The following LCP2 variants were observed in gnomAD, a reference collection of about 807,000 sequenced individuals.
LCP2 encodes lymphocyte cytosolic protein 2, also known as 76 kDa tyrosine phosphoprotein.
A neutral mutation model predicts 74.5 loss-of-function variants in LCP2; 29 were observed. That is an observed-to-expected ratio of 0.39 (90% CI 0.29 to 0.53). LCP2 has a LOEUF of 0.53. LCP2 is among the 20% of genes least tolerant of loss of function. LCP2 has a pLI of 0.72. For synonymous variants in LCP2, 228 were observed against 229.5 expected (o/e 0.99, Z 0.06); for missense variants, 604 against 634.6 (o/e 0.95, Z 0.52).
In LCP2 at chr5:170,261,089, C is replaced by G; in HGVS notation, c.957+18G>C. ...TTTCCCTGTATCAAGCACTTACAAA[C>G]TGACATTTTGTACTTACATTCTCTC... On this transcript the variant is annotated intron_variant, in intron 14 of 20. Coordinates refer to ENST00000046794, the MANE Select transcript of LCP2 (RefSeq NM_005565.5). 3 of 1,578,932 alleles carry G rather than the reference C, an allele frequency of 1.9e-6. No individual in the cohort carries two copies. Among genetic ancestry groups the G allele is most frequent in the Non-Finnish European group, 2.6e-6 (3 of 1,148,378 alleles).
intron 6 of LCP2, among the ~76,000 whole-genome samples, chr5:170,271,355 C>T (rs1481163878): frequency 2.0e-5 from 3 of 152,092 alleles, no homozygotes; most frequent in Middle Eastern, 3.2e-3. Flanking sequence ...AATGTCCTCT[C>T]ATTATAACCT....
intron 2 of LCP2, among the ~76,000 whole-genome samples, chr5:170,289,986 A>G (rs1227478520): frequency 6.6e-6 from 1 of 152,118 alleles, no homozygotes; most frequent in Non-Finnish European, 1.5e-5. Flanking sequence ...GGAGGTGGAC[A>G]TGAGCCTGGC....
chr5:170,271,074 G>A (rs774393428), intron 6 of LCP2, among the ~76,000 whole-genome samples, 157 bp from the exon 7 acceptor site: 3 of 152,140 alleles, frequency 2.0e-5, no homozygotes, highest in Non-Finnish European at 2.9e-5. Flanking sequence ...AGGAATCTGA[G>A]GTCAGGGAGC....
At chr5:170,275,156 C>T (rs1467386851) in intron 5 of LCP2, among the ~76,000 whole-genome samples, 164 bp downstream of exon 5, 3 of 152,062 alleles carry the variant, frequency 2.0e-5, no homozygotes. Context: ...AGATCTCCTC[C>T]CCTCCATCTA....
chr5:170,246,274 T>A lies in LCP2; in HGVS notation c.*2423A>T. 1.7e-6 allele frequency: 1 copy of A among 592,004 alleles called. No individual in the cohort carries two copies. Among genetic ancestry groups the A allele is most frequent in the Non-Finnish European group, 2.8e-6 (1 of 360,680 alleles). The allele number at this position is 592,004 out of a possible 1,614,324, so 36.7% of individuals were successfully genotyped here. ...CTGTTTAATGTTTTGAAGAATGGCT[T>A]AACTTACGTCACTAATGGCAAGTGT... is the stretch of plus-strand genomic sequence containing the variant. On this transcript the variant is annotated 3_prime_UTR_variant, in exon 21 of 21. Coordinates refer to ENST00000046794, the MANE Select transcript of LCP2 (RefSeq NM_005565.5).
chr5:170,253,296 C>A (rs1411548435), intron 17 of LCP2, 83 bp from the exon 18 acceptor site: 3 of 911,870 alleles, frequency 3.3e-6, no homozygotes, highest in East Asian at 5.4e-5. Flanking sequence ...ATTCCCCCCA[C>A]TCCCCCAAAA....
chr5:170,252,602 C>T, intron 18 of LCP2, 91 bp from the exon 19 acceptor site: 1 of 647,726 alleles, frequency 1.5e-6, no homozygotes, highest in Non-Finnish European at 2.7e-6. Context: ...TTCCATAAAT[C>T]AACACCTCAA....
chr5:170,265,608 T>A (rs563621586), intron 10 of LCP2, among the ~76,000 whole-genome samples: 58 of 152,222 alleles, frequency 3.8e-4, no homozygotes, highest in Non-Finnish European at 7.1e-4. Flanking sequence ...CATGTAATTA[T>A]ACAGCTCTCT....
intron 2 of LCP2, among the ~76,000 whole-genome samples, chr5:170,291,225 G>GT: frequency 6.7e-6 from 1 of 150,372 alleles, no homozygotes; most frequent in Non-Finnish European, 1.5e-5. Context: ...AAGGAAGGAA[G>GT]AAAGGAAGGA....
At chr5:170,253,050 T>C (rs999927860) in intron 18 of LCP2, 69 bp downstream of exon 18, 36 of 921,284 alleles carry the variant, frequency 3.9e-5, no homozygotes, top group Non-Finnish European at 5.5e-5. Context: ...GAACATTCAA[T>C]GGGAGTTTCT....
intron 19 of LCP2, chr5:170,252,168 CTCTT>C (rs970200431): frequency 7.4e-5 from 21 of 285,496 alleles, no homozygotes; most frequent in African/African-American, 4.5e-4. Context: ...ACAAGACAGA[CTCTT>C]TCATTAATAA....
chr5:170,250,950 G>T, intron 19 of LCP2, 65 bp from the exon 20 acceptor site: 1 of 1,339,884 alleles, frequency 7.5e-7, no homozygotes, highest in Non-Finnish European at 1.1e-6. Flanking sequence ...GCTTGTAAGA[G>T]TAGTAGACAA....
At chr5:170,259,012 T>G in intron 14 of LCP2, 134 bp from the exon 15 acceptor site, 1 of 630,232 alleles carries the variant, frequency 1.6e-6, no homozygotes, top group Non-Finnish European at 2.8e-6. Flanking sequence ...ATCTTCATAA[T>G]AAATATACTG....
intron 6 of LCP2, among the ~76,000 whole-genome samples, chr5:170,272,083 G>C (rs1264851225): frequency 6.6e-6 from 1 of 152,108 alleles, no homozygotes; most frequent in Non-Finnish European, 1.5e-5. Flanking sequence ...TGCTGCTTCA[G>C]ATCAAGAGCC....
At position 170,288,015 on chromosome 5, in the gene LCP2, T is replaced by A. The variant is rs1209030698; in HGVS notation, c.143A>T (p.Asn48Ile). 1.2e-6 allele frequency: 2 copies of A among 1,613,892 alleles called. No individual in the cohort carries two copies. Among genetic ancestry groups the A allele is most frequent in the East Asian group, 2.2e-5 (1 of 44,886 alleles). ...KYHIDGARFLNLTENDIQKFP... is the reference protein window; with the variant it reads ...KYHIDGARFLILTENDIQKFP... ...CTTCTGGATGTCATTTTCTGTCAGG[T>A]TCTGAAATGAAGACACATATGGCAG... The change falls in exon 3 of 21, where the codon AAC (asparagine) becomes ATC (isoleucine). Residue 48 changes from asparagine to isoleucine, a missense_variant and splice_region_variant. By Grantham distance (149) the Asn-to-Ile change is moderately radical. Coordinates refer to ENST00000046794, the MANE Select transcript of LCP2 (RefSeq NM_005565.5).
intron 3 of LCP2, among the ~76,000 whole-genome samples, chr5:170,280,378 C>G (rs977273665): frequency 6.6e-5 from 10 of 152,114 alleles, no homozygotes; most frequent in Non-Finnish European, 1.3e-4. Flanking sequence ...TGCTCTCGCT[C>G]TGCATTCCAA....
At chr5:170,282,732 C>A (rs1037374153) in intron 3 of LCP2, among the ~76,000 whole-genome samples, 38 of 152,172 alleles carry the variant, frequency 2.5e-4, no homozygotes, top group African/African-American at 8.9e-4. Flanking sequence ...TAGGTTCTAT[C>A]ATTATTAGCA....
At position 170,256,612 on chromosome 5, in the gene LCP2, T is replaced by C. The variant is rs775701946; in HGVS notation, c.1101-37A>G. On this transcript the variant is annotated intron_variant, in intron 16 of 20. Transcript: ENST00000046794. The surrounding 1 kb of genome is among the most constrained non-coding windows in gnomAD (Gnocchi z 4.5). ...GAAAAAGAACAAAATTTATTTGGAT[T>C]GGGGTGATGGGGCCAGACAGGGGAG... The C allele has an allele frequency of 1.4e-6, 2 of 1,453,348 alleles. No individual in the cohort carries two copies. The highest frequency in any genetic ancestry group is 2.3e-5 in the South Asian group (2 of 87,822). 90.0% of individuals were successfully genotyped at this position (1,453,348 alleles called of 1,614,324 possible). A position where few individuals can be genotyped will look rare whatever the true frequency, so the allele number is the denominator to read the frequency against.
chr5:170,274,730 A>T (rs1360162069), intron 5 of LCP2, among the ~76,000 whole-genome samples: 1 of 152,136 alleles, frequency 6.6e-6, no homozygotes, highest in Non-Finnish European at 1.5e-5. Flanking sequence ...TAATCCTAGC[A>T]CTTTGGGAGG....
Sources: allele counts gnomAD v4.1 joint callset (sites outside exome capture counted in the v4.1 genomes callset), GRCh38; gene constraint gnomAD v4.1.1; non-coding constraint Gnocchi (gnomAD v3.1); transcripts MANE v1.5; gene names NCBI Gene and HGNC (gene_info 2026-07-23, HGNC 2026-07-21).